CSF2RB: variants seen among roughly 807,000 people sequenced by gnomAD.
The protein encoded by CSF2RB is colony stimulating factor 2 receptor subunit beta, also known as cytokine receptor common subunit beta.
A neutral mutation model predicts 67.2 loss-of-function variants in CSF2RB; 22 were observed. The observed-to-expected ratio is 0.33, with a 90% CI of 0.23 to 0.47. CSF2RB has a LOEUF of 0.47. Among genes scored for constraint, CSF2RB ranks in the 20% least tolerant of loss-of-function variants. The probability of loss-of-function intolerance (pLI) is 1.00; values close to 1 mark genes in which losing one functional copy is unlikely to be tolerated. For missense variants in CSF2RB, 1,113 were observed against 1,174.5 expected (o/e 0.95, Z 0.76); for synonymous variants, 507 against 482.9 (o/e 1.05, Z -0.65).
chr22:36,927,643 G>A (rs1274503058), intron 4 of CSF2RB, among the ~76,000 whole-genome samples: 1 of 152,184 alleles, frequency 6.6e-6, no homozygotes, highest in African/African-American at 2.4e-5. Context: ...CCCTGGAGAG[G>A]CTTCTGTCTC....
At chr22:36,920,221 T>C (rs1940825503) in intron 1 of CSF2RB, among the ~76,000 whole-genome samples, 1 of 152,266 alleles carries the variant, frequency 6.6e-6, no homozygotes, top group South Asian at 2.1e-4. Flanking sequence ...TGAGTATTGT[T>C]TGTGCTCTTT....
Position 36,938,838 on chromosome 22 carries a change from T to C in CSF2RB, c.*336T>C, listed in dbSNP as rs1941330799. On this transcript the variant is annotated 3_prime_UTR_variant, in exon 14 of 14. Coordinates refer to ENST00000403662, the MANE Select transcript of CSF2RB (RefSeq NM_000395.3). ...GGTTTCCTTGCTTTTGCCATTTTTC[T>C]TCCTTCTTTTTTCACTGATTTATTA... is the stretch of plus-strand genomic sequence containing the variant. The C allele has an allele frequency of 1.8e-6, 1 of 541,412 alleles. No homozygotes were observed. Among genetic ancestry groups the C allele is most frequent in the Non-Finnish European group, 3.3e-6 (1 of 307,474 alleles). The allele number at this position is 541,412 out of a possible 1,614,324, so 33.5% of individuals were successfully genotyped here.
rs769554719 is a variant in CSF2RB at position 36,922,293 on chromosome 22, G to A, written c.76+10G>A. The A allele has an allele frequency of 1.3e-5, 21 of 1,567,926 alleles. No homozygotes were observed. Among genetic ancestry groups the A allele is most frequent in the Middle Eastern group, 2.0e-4 (1 of 4,986 alleles). On this transcript the variant is annotated intron_variant, in intron 2 of 13. Transcript: ENST00000403662. ...CTGGCAGGGGCAGAAGGTGAGTCCC[G>A]TGGCTCCCACCCACTTCCCTGTCCC...
Position 36,939,234 on chromosome 22 carries a change from G to T in CSF2RB, c.*732G>T. 1.4e-6 allele frequency: 1 copy of T among 702,372 alleles called. No individual in the cohort carries two copies. The highest frequency in any genetic ancestry group is 1.5e-5 in the South Asian group (1 of 67,582). The allele number at this position is 702,372 out of a possible 1,614,324, so 43.5% of individuals were successfully genotyped here. On this transcript the variant is annotated 3_prime_UTR_variant, in exon 14 of 14. Transcript: ENST00000403662. ...GTCTGTGGGACCTCCAGTCCCTTGA[G>T]ACCCCACGTCATGTAGAGAAGTTAA...
chr22:36,916,016 T>C (rs941695637), intron 1 of CSF2RB, among the ~76,000 whole-genome samples: 4 of 152,242 alleles, frequency 2.6e-5, no homozygotes, highest in Non-Finnish European at 4.4e-5. Flanking sequence ...AATCCATTTA[T>C]ATATGTTGAA....
chr22:36,930,193 A>ACT (rs140483099), intron 6 of CSF2RB, among the ~76,000 whole-genome samples, 182 bp from the exon 7 acceptor site: 7,146 of 149,596 alleles, frequency 0.048, 488 homozygotes, highest in African/African-American at 0.16. Flanking sequence ...GGTGCACAGA[A>ACT]CTCTCTCTCT....
Position 36,930,839 on chromosome 22 carries a change from G to C in CSF2RB, c.1012+9G>C. 6.2e-7 allele frequency: 1 copy of C among 1,614,150 alleles called. No individual in the cohort carries two copies. The highest frequency in any genetic ancestry group is 8.5e-7 in the Non-Finnish European group (1 of 1,180,036). On this transcript the variant is annotated intron_variant, in intron 8 of 13. Coordinates refer to ENST00000403662, the MANE Select transcript of CSF2RB (RefSeq NM_000395.3). Reference sequence around the variant, plus strand: ...AAAGAGCTCAGTGAACAGTGAGTTTGCTCCTAGCCCGCTGTGGGGATGGTC... The same window carrying C: ...AAAGAGCTCAGTGAACAGTGAGTTTCCTCCTAGCCCGCTGTGGGGATGGTC...
rs536184819 is a variant in CSF2RB at position 36,932,790 on chromosome 22, C to A, written c.1038C>A (p.Asn346Lys). 1 of 1,613,930 alleles carries A rather than the reference C, an allele frequency of 6.2e-7. No homozygotes were observed. The highest frequency in any genetic ancestry group is 2.2e-5 in the East Asian group (1 of 44,878). Residue 346 changes from asparagine (N) to lysine (K), a missense_variant, in exon 9 of 14, where the codon AAC (asparagine) becomes AAA (lysine). Transcript: ENST00000403662. ...TCCAGATGGCCCCTCCATCCCTCAA[C>A]GTGACCAAGGATGGAGACAGCTACA... ...VNIQMAPPSL[N>K]VTKDGDSYSL...
At chr22:36,933,442 C>T (rs1210203940) in intron 9 of CSF2RB, among the ~76,000 whole-genome samples, 1 of 152,164 alleles carries the variant, frequency 6.6e-6, no homozygotes, top group African/African-American at 2.4e-5. Flanking sequence ...AGGAGCGGGC[C>T]CTGGGGTCCT....
intron 1 of CSF2RB, among the ~76,000 whole-genome samples, chr22:36,917,124 A>G (rs1422934882): frequency 6.6e-6 from 1 of 152,112 alleles, no homozygotes; most frequent in Non-Finnish European, 1.5e-5. Flanking sequence ...TGTTCATTTA[A>G]CCAGAAATGT....
chr22:36,918,800 A>G (rs561660022), intron 1 of CSF2RB, among the ~76,000 whole-genome samples: 2 of 152,304 alleles, frequency 1.3e-5, no homozygotes, highest in East Asian at 1.9e-4. Flanking sequence ...TCAGGCTAGT[A>G]TGGTTGCTCC....
rs368017155 is a variant in CSF2RB, at chr22:36,939,135, G to A, written c.*633G>A. ...AAATGGGCATGGTATTGGGGGTCGGGGGGGCGGTGCAAGGGACGCACATGA... is the reference window on the plus strand; with the variant it reads ...AAATGGGCATGGTATTGGGGGTCGGAGGGGCGGTGCAAGGGACGCACATGA... On this transcript the variant is annotated 3_prime_UTR_variant, in exon 14 of 14. Transcript: ENST00000403662. The A allele has an allele frequency of 4.3e-6, 3 of 702,200 alleles. No homozygotes were observed. Among genetic ancestry groups the A allele is most frequent in the Non-Finnish European group, 5.2e-6 (2 of 384,828 alleles). 43.5% of individuals were successfully genotyped at this position (702,200 alleles called of 1,614,324 possible). A position where few individuals can be genotyped will look rare whatever the true frequency, so the allele number is the denominator to read the frequency against.
intron 1 of CSF2RB, among the ~76,000 whole-genome samples, chr22:36,916,183 T>G (rs759318656): frequency 1.3e-5 from 2 of 152,184 alleles, no homozygotes; most frequent in African/African-American, 2.4e-5. Context: ...AGATCACAGG[T>G]GTCTTGTAAA....
At position 36,929,275 on chromosome 22, in the gene CSF2RB, C is replaced by T. The variant is rs1226590671; in HGVS notation, c.392-127C>T. 10 of 1,266,138 alleles carry T rather than the reference C, an allele frequency of 7.9e-6. No individual in the cohort carries two copies. In the East Asian group the frequency reaches 1.9e-4, roughly 23 times the overall value. The allele number at this position is 1,266,138 out of a possible 1,614,324, so 78.4% of individuals were successfully genotyped here. A position where few individuals can be genotyped will look rare whatever the true frequency, so the allele number is the denominator to read the frequency against. On this transcript the variant is annotated intron_variant, in intron 4 of 13. Transcript: ENST00000403662. ...GCTCACAGAGGAGACGGGTCTTGCT[C>T]AAGGTCCCTCAGCTGCTGGGGGCAG...
At position 36,930,842 on chromosome 22, in the gene CSF2RB, C is replaced by G; in HGVS notation, c.1012+12C>G. On this transcript the variant is annotated intron_variant, in intron 8 of 13. Transcript: ENST00000403662. ...GAGCTCAGTGAACAGTGAGTTTGCT[C>G]CTAGCCCGCTGTGGGGATGGTCTGG... 1 of 1,614,082 alleles carries G rather than the reference C, an allele frequency of 6.2e-7. No individual in the cohort carries two copies. The highest frequency in any genetic ancestry group is 8.5e-7 in the Non-Finnish European group (1 of 1,180,010).
At chr22:36,935,506 C>T (rs907429581) in intron 11 of CSF2RB, 65 bp downstream of exon 11, 1 of 1,602,478 alleles carries the variant, frequency 6.2e-7, no homozygotes, top group African/African-American at 1.3e-5. Context: ...GGAATCCCAC[C>T]CAGCTCCCTC....
Position 36,930,827 on chromosome 22 carries a change from A to C in CSF2RB, c.1009A>C (p.Asn337His). 1 of 1,614,164 alleles carries C rather than the reference A, an allele frequency of 6.2e-7. No individual in the cohort carries two copies. The change falls in exon 8 of 14, where the codon AAC (asparagine) becomes CAC (histidine). Residue 337 changes from asparagine to histidine, a missense_variant. Physicochemically the swap from Asn to His is moderately conservative, Grantham distance 68. Around this residue, in one of 2 missense-constraint regions of CSF2RB, gnomAD observed 559 missense variants for 656.5 expected, o/e 0.85. Transcript: ENST00000403662. ...AGAGAAACACATAAAGAGCTCAGTG[A>C]ACAGTGAGTTTGCTCCTAGCCCGCT... ...RAEKHIKSSV[N>H]IQMAPPSLNV...
rs16997509 is a variant in CSF2RB, at chr22:36,936,972, G to A, written c.1568+320G>A. Among the ~76,000 whole-genome samples, 223 of 152,216 alleles carry A rather than the reference G, an allele frequency of 1.5e-3. 4 individuals are homozygous for A. The East Asian group carries it at 0.022, about 15-fold the overall frequency. On this transcript the variant is annotated intron_variant, in intron 13 of 13. Coordinates refer to ENST00000403662, the MANE Select transcript of CSF2RB (RefSeq NM_000395.3). ...TGGGGCTGCAGACTCCCGGGAACTC[G>A]GCGCCTGAGCCGGCAGCTGACCACC...
Position 36,925,997 on chromosome 22 carries a change from G to A in CSF2RB, c.211G>A (p.Glu71Lys). ...LIRRVNEDLL[E>K]PVSCDLSDDM... is the part of the protein sequence containing the mutation. ...GTCCTCTCCCAACAGGGACCTCCTG[G>A]AGCCAGTGTCCTGTGACCTCAGTGA... The change falls in exon 4 of 14, where the codon GAG becomes AAG. Residue 71 changes from glutamate to lysine, a missense_variant. By Grantham distance (56) the Glu-to-Lys change is moderately conservative. Around this residue, in one of 2 missense-constraint regions of CSF2RB, gnomAD observed 559 missense variants for 656.5 expected, o/e 0.85. Coordinates refer to ENST00000403662, the MANE Select transcript of CSF2RB (RefSeq NM_000395.3). 1 of 1,614,198 alleles carries A rather than the reference G, an allele frequency of 6.2e-7. No individual in the cohort carries two copies.
Sources: allele counts gnomAD v4.1 joint callset (sites outside exome capture counted in the v4.1 genomes callset), GRCh38; gene constraint gnomAD v4.1.1; regional missense constraint gnomAD v4.1.1; transcripts MANE v1.5; gene names NCBI Gene and HGNC (gene_info 2026-07-23, HGNC 2026-07-21).